The following SYNE2 variants were observed in gnomAD, a reference collection of about 807,000 sequenced individuals.
SYNE2 encodes nesprin-2.
In SYNE2, 431 loss-of-function variants were observed where a neutral mutation model predicts 856.3. The ratio of observed to expected loss-of-function variants is 0.50; its 90% CI spans 0.47 to 0.55. SYNE2 has a LOEUF of 0.55. Among genes scored for constraint, SYNE2 ranks in the 20% least tolerant of loss-of-function variants. The pLI, the probability that SYNE2 is intolerant of heterozygous loss-of-function variation, is 0.00. For missense variants in SYNE2, 8,129 were observed against 8,023.2 expected (o/e 1.01, Z -0.50); for synonymous variants, 2,923 against 2,872.3 (o/e 1.02, Z -0.56).
At chr14:63,806,875 A>ATT (rs200822464) in intron 1 of SYNE2, among the ~76,000 whole-genome samples, 6 of 138,624 alleles carry the variant, frequency 4.3e-5, no homozygotes, top group African/African-American at 7.9e-5. Context: ...TAAACTTAAA[A>ATT]TTTTTTTTTT....
chr14:64,058,980 A>C (rs1432802159), intron 49 of SYNE2, among the ~76,000 whole-genome samples: 1 of 152,070 alleles, frequency 6.6e-6, no homozygotes, highest in African/African-American at 2.4e-5. Flanking sequence ...TGTCCATTGC[A>C]GTTTTCAACC....
intron 1 of SYNE2, among the ~76,000 whole-genome samples, chr14:63,844,265 G>A (rs58571250): frequency 0.11 from 16,327 of 152,066 alleles, 980 homozygotes; most frequent in African/African-American, 0.16. Context: ...TCATATACTT[G>A]GAGTCATACA....
intron 2 of SYNE2, among the ~76,000 whole-genome samples, chr14:63,921,692 C>T (rs544463524): frequency 7.9e-5 from 12 of 151,990 alleles, no homozygotes; most frequent in Admixed American, 5.9e-4. Flanking sequence ...TGGGGCAGCC[C>T]GAAATATATA....
chr14:64,006,698 C>T (rs1013599984), intron 30 of SYNE2, among the ~76,000 whole-genome samples: 2 of 151,838 alleles, frequency 1.3e-5, no homozygotes, highest in Non-Finnish European at 2.9e-5. Flanking sequence ...CGTGGTGGTT[C>T]GCACGTGTGG....
At chr14:63,770,606 C>T (rs1349411550) in intron 1 of SYNE2, among the ~76,000 whole-genome samples, 2 of 152,142 alleles carry the variant, frequency 1.3e-5, no homozygotes, top group East Asian at 3.9e-4. Flanking sequence ...TTGGGACCAG[C>T]CTGGACAACA....
At chr14:64,056,774 A>T (rs2097273965) in intron 49 of SYNE2, among the ~76,000 whole-genome samples, 1 of 151,686 alleles carries the variant, frequency 6.6e-6, no homozygotes. Context: ...GAGTTCAAGT[A>T]ATTCTCCTGC....
intron 100 of SYNE2, among the ~76,000 whole-genome samples, chr14:64,206,975 A>T (rs143955829): frequency 5.9e-5 from 9 of 152,200 alleles, no homozygotes; most frequent in Non-Finnish European, 1.2e-4. Flanking sequence ...TTTTATTTAG[A>T]TGTAATAACT....
Position 64,081,443 on chromosome 14 carries a change from G to A in SYNE2, c.11347G>A (p.Ala3783Thr), listed in dbSNP as rs1253454097. ...GTTTGGTCCTGCATCTCTTTCCCAGGCCACAGTTAAGATGGAGGAATATAG... is the reference window on the plus strand; with the variant it reads ...GTTTGGTCCTGCATCTCTTTCCCAGACCACAGTTAAGATGGAGGAATATAG... ...AECRTSQLNK[A>T]TVKMEEYSDL... The change falls in exon 57 of 116, where the codon GCC becomes ACC. Residue 3783 changes from alanine (A) to threonine (T), a missense_variant and splice_region_variant. Around this residue, in one of 3 missense-constraint regions of SYNE2, gnomAD observed 5,410 missense variants for 5,284.8 expected, o/e 1.02. Transcript: ENST00000555002. The A allele has an allele frequency of 1.2e-6, 2 of 1,613,914 alleles. No homozygotes were observed. The highest frequency in any genetic ancestry group is 2.2e-5 in the East Asian group (1 of 44,890).
chr14:64,112,225 A>G (rs1831613926), intron 65 of SYNE2, among the ~76,000 whole-genome samples: 2 of 152,336 alleles, frequency 1.3e-5, no homozygotes, highest in African/African-American at 2.4e-5. Flanking sequence ...GTTAGGGTAT[A>G]TATTTGCAAT....
chr14:64,076,974 G>A (rs1015576646), intron 54 of SYNE2, among the ~76,000 whole-genome samples: 2 of 151,908 alleles, frequency 1.3e-5, no homozygotes, highest in Non-Finnish European at 1.5e-5. Context: ...CAAGGATCTC[G>A]TTACTATTGA....
rs574212240 is a variant in SYNE2, at chr14:63,951,758, C to T, written c.590+1752C>T. ...CTCCAGTTTTCTATATTTTAAAAAT[C>T]CCAAACAGTATTTGTGAAAAGCATT... On this transcript the variant is annotated intron_variant, in intron 7 of 115. Transcript: ENST00000555002. 3.9e-5 allele frequency among the ~76,000 whole-genome samples: 6 copies of T among 152,320 alleles called. No homozygotes were observed. The South Asian group carries it at 1.2e-3, about 32-fold the overall frequency.
chr14:64,025,265 C>G lies in SYNE2; in HGVS notation c.6096C>G (p.Ile2032Met). ...YQTLLRQLSE[I>M]EEEDKLLPTE... ...CATTACTGAGACAACTAAGTGAAAT[C>G]GAGGAAGAGGATAAGTTACTACCCA... is the stretch of plus-strand genomic sequence containing the variant. Residue 2032 changes from isoleucine to methionine, a missense_variant, in exon 41 of 116, where the codon ATC (isoleucine) becomes ATG (methionine). Around this residue, in one of 3 missense-constraint regions of SYNE2, gnomAD observed 2,422 missense variants for 2,357.4 expected, o/e 1.03. Coordinates refer to ENST00000555002, the MANE Select transcript of SYNE2 (RefSeq NM_182914.3). The G allele has an allele frequency of 6.2e-7, 1 of 1,613,984 alleles. No homozygotes were observed.
intron 9 of SYNE2, among the ~76,000 whole-genome samples, chr14:63,962,150 C>T (rs996637948): frequency 2.0e-5 from 3 of 151,830 alleles, no homozygotes; most frequent in African/African-American, 7.3e-5. Context: ...TCTGTCTCCC[C>T]GTTCAAGTGA....
chr14:63,798,373 A>C (rs571211300), intron 1 of SYNE2, among the ~76,000 whole-genome samples: 1 of 150,860 alleles, frequency 6.6e-6, no homozygotes, highest in South Asian at 2.1e-4. Context: ...CTTATCTAGA[A>C]ACCTTAACTT....
rs1247854237 is a variant in SYNE2 at position 64,022,046 on chromosome 14, C to T, written c.5524+18C>T. On this transcript the variant is annotated intron_variant, in intron 37 of 115. Transcript: ENST00000555002. ...ATTGAATGGTGAGTGCAACATTTCT[C>T]TTATTTTGTTTCTGGGACTCTTGAA... 1 of 1,612,162 alleles carries T rather than the reference C, an allele frequency of 6.2e-7. No homozygotes were observed. Among genetic ancestry groups the T allele is most frequent in the Admixed American group, 1.7e-5 (1 of 60,000 alleles).
chr14:63,974,892 G>GTGTATGTATATATATATATATATA (rs1375697679), intron 11 of SYNE2, among the ~76,000 whole-genome samples: 1 of 67,322 alleles, frequency 1.5e-5, no homozygotes, highest in Non-Finnish European at 3.1e-5. Context: ...GTGTGTGTGT[G>GTGTATGTATATATATATATATATA]TATATATATA....
intron 1 of SYNE2, among the ~76,000 whole-genome samples, chr14:63,842,625 A>AT (rs1260950235): frequency 2.0e-5 from 3 of 149,792 alleles, no homozygotes; most frequent in Non-Finnish European, 4.4e-5. Flanking sequence ...CACCCAGCGA[A>AT]TTTTTGTATT....
chr14:64,203,076 G>A (rs916851432), intron 100 of SYNE2, 113 bp downstream of exon 100: 5 of 1,420,190 alleles, frequency 3.5e-6, no homozygotes, highest in African/African-American at 2.8e-5. Flanking sequence ...CATAACATTG[G>A]TTTGCTTTTT....
intron 103 of SYNE2, among the ~76,000 whole-genome samples, chr14:64,210,410 C>T (rs920601149): frequency 9.2e-5 from 14 of 152,204 alleles, no homozygotes; most frequent in Non-Finnish European, 1.9e-4. Context: ...TGCATGTTAG[C>T]TCAGAGTCCA....
Sources: allele counts gnomAD v4.1 joint callset (sites outside exome capture counted in the v4.1 genomes callset), GRCh38; gene constraint gnomAD v4.1.1; regional missense constraint gnomAD v4.1.1; transcripts MANE v1.5; gene names NCBI Gene and HGNC (gene_info 2026-07-23, HGNC 2026-07-21).